Variants in SCAI observed in about 807,000 individuals in gnomAD.
SCAI encodes the protein suppressor of cancer cell invasion, also known as protein SCAI.
A neutral mutation model predicts 92.2 loss-of-function variants in SCAI; 24 were observed. That is an observed-to-expected ratio of 0.26 (90% CI 0.19 to 0.37). The LOEUF (loss-of-function observed/expected upper bound fraction) is 0.37, where lower values mean the gene tolerates loss of function less well. SCAI is among the 10% of genes least tolerant of loss of function. SCAI has a pLI of 1.00. For synonymous variants in SCAI, 261 were observed against 258.6 expected, an observed-to-expected ratio of 1.01 and a Z score of -0.09; for missense variants, 450 against 736.2, an observed-to-expected ratio of 0.61 and a Z score of 4.50.
intron 17 of SCAI, among the ~76,000 whole-genome samples, chr9:124,959,739 A>G (rs775687138): frequency 6.1e-5 from 8 of 132,002 alleles, no homozygotes; most frequent in Admixed American, 8.6e-5. Flanking sequence ...CCTGTGTCCA[A>G]GTGTTCTCAT....
At chr9:125,025,013 G>T (rs1390668898) in intron 6 of SCAI, among the ~76,000 whole-genome samples, 9 of 152,226 alleles carry the variant, frequency 5.9e-5, no homozygotes, top group African/African-American at 2.2e-4. Context: ...CTTTTGAGGA[G>T]TGAAGATTTT....
intron 13 of SCAI, among the ~76,000 whole-genome samples, chr9:124,999,401 AT>A (rs1241448008): frequency 6.6e-6 from 1 of 151,724 alleles, no homozygotes; most frequent in Non-Finnish European, 1.5e-5. Context: ...AAAAAAAAAA[AT>A]GTTTGGGCTG....
chr9:125,118,369 T>G (rs1376733421), intron 2 of SCAI, among the ~76,000 whole-genome samples: 1 of 151,842 alleles, frequency 6.6e-6, no homozygotes, highest in Non-Finnish European at 1.5e-5. Flanking sequence ...AATAAAAAAA[T>G]TAACCAGGCA....
At chr9:125,002,206 C>T (rs12237511) in intron 11 of SCAI, among the ~76,000 whole-genome samples, 163 bp from the exon 12 acceptor site, 5,570 of 152,248 alleles carry the variant, frequency 0.037, 264 homozygotes, top group Admixed American at 0.092. Context: ...TAAAACTATA[C>T]ACACGGCAGA....
At chr9:125,062,433 T>C (rs1408686705) in intron 2 of SCAI, among the ~76,000 whole-genome samples, 2 of 146,736 alleles carry the variant, frequency 1.4e-5, no homozygotes, top group African/African-American at 5.0e-5. Context: ...GCCTAGTCTC[T>C]ATATTAAAAT....
intron 2 of SCAI, among the ~76,000 whole-genome samples, chr9:125,116,443 CTTT>C (rs1237950477): frequency 6.6e-6 from 1 of 151,916 alleles, no homozygotes. Context: ...TACACACAAA[CTTT>C]TTTATTTAAA....
intron 17 of SCAI, among the ~76,000 whole-genome samples, chr9:124,958,088 A>G (rs779706062): frequency 2.7e-4 from 41 of 152,240 alleles, no homozygotes; most frequent in Non-Finnish European, 4.9e-4. Context: ...CTGGTGAAAG[A>G]AACTAAACAT....
At chr9:124,958,507 T>C (rs985423968) in intron 17 of SCAI, among the ~76,000 whole-genome samples, 11 of 152,148 alleles carry the variant, frequency 7.2e-5, no homozygotes, top group Admixed American at 5.9e-4. Context: ...CAACTGCATA[T>C]GCATATTAAA....
chr9:125,065,454 A>G (rs1833854041), intron 2 of SCAI, among the ~76,000 whole-genome samples: 1 of 152,208 alleles, frequency 6.6e-6, no homozygotes, highest in African/African-American at 2.4e-5. Context: ...CCTACCCACA[A>G]TGAAAACTCC....
At chr9:125,140,155 G>A (rs998839570) in intron 2 of SCAI, among the ~76,000 whole-genome samples, 4 of 151,936 alleles carry the variant, frequency 2.6e-5, no homozygotes, top group Non-Finnish European at 5.9e-5. Context: ...AGGCTGCAGT[G>A]AGCTGTGATT....
intron 2 of SCAI, among the ~76,000 whole-genome samples, chr9:125,060,668 CA>C (rs559118532): frequency 6.6e-6 from 1 of 152,250 alleles, no homozygotes; most frequent in South Asian, 2.1e-4. Context: ...ATGGTTTTAT[CA>C]GGGGTGTCCG....
intron 4 of SCAI, 61 bp downstream of exon 4, chr9:125,029,583 T>C (rs1833031264): frequency 2.0e-6 from 2 of 982,066 alleles, no homozygotes; most frequent in Non-Finnish European, 3.1e-6. Flanking sequence ...GTAGTGAAGA[T>C]AAAAACTGTG....
In SCAI at chr9:124,976,142, A is replaced by G. The variant is rs982270778; in HGVS notation, c.1371T>C (p.Ser457=). ...GTAAAGCTTTTGGATATGCTGTAGGAGAAAGCAAGCAGACTAGTGGCTGTC... is the reference window on the plus strand; with the variant it reads ...GTAAAGCTTTTGGATATGCTGTAGGGGAAAGCAAGCAGACTAGTGGCTGTC... ...LFGQPLVCLL[S]PTAYPKALQD... is the part of the protein sequence containing the mutation. The change falls in exon 15 of 18, where the codon TCT becomes TCC. Residue 457 remains serine, a synonymous_variant. Transcript: ENST00000336505. 3 of 1,612,640 alleles carry G rather than the reference A, an allele frequency of 1.9e-6. No individual in the cohort carries two copies. The highest frequency in any genetic ancestry group is 2.7e-5 in the African/African-American group (2 of 74,920).
At chr9:125,132,684 C>A (rs867916013) in intron 2 of SCAI, among the ~76,000 whole-genome samples, 9 of 152,252 alleles carry the variant, frequency 5.9e-5, no homozygotes, top group South Asian at 2.1e-4. Context: ...TAAAAGCATT[C>A]TCAGGCTGGT....
At chr9:124,979,707 G>C (rs927460832) in intron 14 of SCAI, among the ~76,000 whole-genome samples, 4 of 152,084 alleles carry the variant, frequency 2.6e-5, no homozygotes, top group Non-Finnish European at 4.4e-5. Context: ...ATGACTTCTT[G>C]AAATTTTTGA....
intron 14 of SCAI, 92 bp from the exon 15 acceptor site, chr9:124,976,278 T>C: frequency 6.9e-6 from 6 of 870,298 alleles, no homozygotes; most frequent in Non-Finnish European, 1.1e-5. Context: ...AGTGTATAGA[T>C]TGGGCCCTTA....
chr9:125,086,887 G>A (rs1480527814), intron 2 of SCAI, among the ~76,000 whole-genome samples: 2 of 152,150 alleles, frequency 1.3e-5, no homozygotes, highest in Non-Finnish European at 2.9e-5. Flanking sequence ...GTTTCCCAGG[G>A]TTATCATGAA....
chr9:125,141,276 G>A (rs1475128648), intron 2 of SCAI, among the ~76,000 whole-genome samples: 1 of 152,216 alleles, frequency 6.6e-6, no homozygotes, highest in Non-Finnish European at 1.5e-5. Flanking sequence ...AGGAAACTCT[G>A]TTGGCACTTC....
At chr9:125,010,340 T>C (rs548963015) in intron 9 of SCAI, among the ~76,000 whole-genome samples, 45 of 152,308 alleles carry the variant, frequency 3.0e-4, no homozygotes, top group Non-Finnish European at 5.1e-4. Flanking sequence ...ATACTGCGCT[T>C]TTCCGACGGG....
Sources: allele counts gnomAD v4.1 joint callset (sites outside exome capture counted in the v4.1 genomes callset), GRCh38; gene constraint gnomAD v4.1.1; transcripts MANE v1.5; gene names NCBI Gene and HGNC (gene_info 2026-07-23, HGNC 2026-07-21).